Variants in RING1 observed in about 807,000 individuals in gnomAD.
The protein encoded by RING1 is E3 ubiquitin-protein ligase RING1.
RING1 carries 8 observed loss-of-function variants against 35.0 expected under a neutral mutation model. The observed-to-expected ratio is 0.23, with a 90% CI of 0.13 to 0.41. RING1 has a LOEUF of 0.41. Among genes scored for constraint, RING1 ranks in the 10% least tolerant of loss-of-function variants. The pLI is 1.00. For missense variants in RING1, 343 were observed against 546.8 expected, an observed-to-expected ratio of 0.63 and a Z score of 3.72; for synonymous variants, 214 against 224.3, an observed-to-expected ratio of 0.95 and a Z score of 0.41.
rs1417927652 is a variant in RING1, at chr6:33,211,854, C to A, written c.971C>A (p.Ser324Tyr). 1.9e-6 allele frequency: 3 copies of A among 1,604,234 alleles called. No homozygotes were observed. In the East Asian group the frequency reaches 6.8e-5, roughly 36 times the overall value. The change falls in exon 6 of 7, where the codon TCT becomes TAT. Residue 324 changes from serine to tyrosine, a missense_variant. By Grantham distance (144) the Ser-to-Tyr change is moderately radical. Coordinates refer to ENST00000374656, the MANE Select transcript of RING1 (RefSeq NM_002931.4). This position sits in a 1 kb window ranked among gnomAD's most constrained non-coding sequence, Gnocchi z 6.3. The part of the protein sequence containing the change: ...GEPGGPGGGA[S>Y]DTGGPDGCGG... ...CCAGGAGGGCCTGGAGGGGGCGCCT[C>A]TGACACCGGAGGACCTGATGGGTGT...
Position 33,209,736 on chromosome 6 carries a change from G to A in RING1, c.189G>A (p.Glu63=). ...DMLKNTMTTK[E]CLHRFCSDCI... Reference sequence around the variant, plus strand: ...TGAAGAATACGATGACCACCAAGGAGTGCCTCCACAGATTCTGCTCTGACT... The same window carrying A: ...TGAAGAATACGATGACCACCAAGGAATGCCTCCACAGATTCTGCTCTGACT... Residue 63 remains glutamate, a synonymous_variant, in exon 3 of 7, where the codon GAG becomes GAA. Transcript: ENST00000374656. The surrounding 1 kb of genome is among the most constrained non-coding windows in gnomAD (Gnocchi z 5.1). 1 of 1,613,594 alleles carries A rather than the reference G, an allele frequency of 6.2e-7. No homozygotes were observed.
chr6:33,210,693 C>T (rs756716991), intron 4 of RING1, among the ~76,000 whole-genome samples: 41 of 152,202 alleles, frequency 2.7e-4, no homozygotes, highest in Non-Finnish European at 5.3e-4. Context: ...TGAGAATAAG[C>T]CCCGGATTCA....
Position 33,211,629 on chromosome 6 carries a change from CA to C in RING1, c.845+86del. ...ATCAGAAGTGGGCTTTGCCCAAACC[CA>C]AAATACCACCCCAACCCAGAATCCA... On this transcript the variant is annotated intron_variant, in intron 5 of 6. Transcript: ENST00000374656. This position sits in a 1 kb window ranked among gnomAD's most constrained non-coding sequence, Gnocchi z 6.3. The C allele has an allele frequency of 6.4e-7, 1 of 1,559,738 alleles. No individual in the cohort carries two copies.
chr6:33,212,117 A>C, intron 6 of RING1, 115 bp downstream of exon 6: 5 of 873,422 alleles, frequency 5.7e-6, no homozygotes, highest in South Asian at 1.7e-5. Context: ...TACATCCTCT[A>C]TCTCTTTCTA....
In RING1 at chr6:33,211,410, A is replaced by C; in HGVS notation, c.708A>C (p.Gly236=). Residue 236 remains glycine (G), a synonymous_variant, in exon 5 of 7, where the codon GGA becomes GGC. Transcript: ENST00000374656. This position sits in a 1 kb window ranked among gnomAD's most constrained non-coding sequence, Gnocchi z 6.3. ...GAGSEDSGDR[G]GTLGGGTLGP... The stretch of plus-strand genomic sequence containing the variant: ...GTTCGGAAGACTCTGGTGACCGGGG[A>C]GGGACTCTGGGAGGGGGAACGCTGG... The C allele has an allele frequency of 6.6e-7, 1 of 1,513,052 alleles. No homozygotes were observed. 93.7% of individuals were successfully genotyped at this position (1,513,052 alleles called of 1,614,324 possible). A position where few individuals can be genotyped will look rare whatever the true frequency, so the allele number is the denominator to read the frequency against.
chr6:33,211,283 C>G lies in RING1; in HGVS notation c.581C>G (p.Ser194Cys). ...EDVSSDSAPD[S>C]APGPAPKRPR... ...GTGAGCTCAGACTCCGCCCCTGACT[C>G]TGCCCCAGGCCCTGCTCCCAAGCGA... The change falls in exon 5 of 7, where the codon TCT (serine) becomes TGT (cysteine). Residue 194 changes from serine (S) to cysteine (C), a missense_variant. Physicochemically the swap from Ser to Cys is moderately radical, Grantham distance 112. Around this residue, in one of 2 missense-constraint regions of RING1, gnomAD observed 278 missense variants for 383.5 expected, o/e 0.72. Coordinates refer to ENST00000374656, the MANE Select transcript of RING1 (RefSeq NM_002931.4). The surrounding 1 kb of genome is among the most constrained non-coding windows in gnomAD (Gnocchi z 6.3). 3 of 1,612,594 alleles carry G rather than the reference C, an allele frequency of 1.9e-6. No homozygotes were observed. The highest frequency in any genetic ancestry group is 2.5e-6 in the Non-Finnish European group (3 of 1,179,852).
rs1377969911 is a variant in RING1 at position 33,212,413 on chromosome 6, C to T, written c.*14C>T. The T allele has an allele frequency of 1.9e-6, 3 of 1,543,134 alleles. No homozygotes were observed. The highest frequency in any genetic ancestry group is 1.8e-6 in the Non-Finnish European group (2 of 1,132,206). ...GATCCAAAGTGACCCCACCAGGGGA[C>T]AGCCAGAGGAAGGGGACCATGGGGT... On this transcript the variant is annotated 3_prime_UTR_variant, in exon 7 of 7. Transcript: ENST00000374656.
chr6:33,212,120 T>C (rs1036219631), intron 6 of RING1, 118 bp downstream of exon 6: 50 of 888,362 alleles, frequency 5.6e-5, no homozygotes, highest in African/African-American at 1.0e-4. Context: ...ATCCTCTATC[T>C]CTTTCTATGT....
chr6:33,212,354 C>T lies in RING1; in HGVS notation c.1176C>T (p.Ser392=). Residue 392 remains serine, a synonymous_variant, in exon 7 of 7, where the codon TCC becomes TCT. Transcript: ENST00000374656. ...TGAATGAGAAATTCTGGAAGGTGTC[C>T]CGGCCACTGGAGCTGTGCTATGCTC... The part of the protein sequence containing the change: ...ELVNEKFWKV[S]RPLELCYAPT... 1 of 1,596,942 alleles carries T rather than the reference C, an allele frequency of 6.3e-7. No individual in the cohort carries two copies. Among genetic ancestry groups the T allele is most frequent in the South Asian group, 1.1e-5 (1 of 88,112 alleles).
Position 33,212,417 on chromosome 6 carries a change from C to G in RING1, c.*18C>G, listed in dbSNP as rs1387125710. On this transcript the variant is annotated 3_prime_UTR_variant, in exon 7 of 7. Transcript: ENST00000374656. Reference sequence around the variant, plus strand: ...CAAAGTGACCCCACCAGGGGACAGCCAGAGGAAGGGGACCATGGGGTATCC... The same window carrying G: ...CAAAGTGACCCCACCAGGGGACAGCGAGAGGAAGGGGACCATGGGGTATCC... The G allele has an allele frequency of 2.6e-6, 4 of 1,516,278 alleles. No individual in the cohort carries two copies. Among genetic ancestry groups the G allele is most frequent in the Non-Finnish European group, 2.7e-6 (3 of 1,108,864 alleles). 93.9% of individuals were successfully genotyped at this position (1,516,278 alleles called of 1,614,324 possible).
intron 6 of RING1, 100 bp from the exon 7 acceptor site, chr6:33,212,195 TTCC>T: frequency 1.1e-6 from 1 of 944,842 alleles, no homozygotes; most frequent in Non-Finnish European, 1.6e-6. Flanking sequence ...CCTTTTTTCT[TTCC>T]TCCTCCCTTG....
In RING1 at chr6:33,211,501, C is replaced by T. The variant is rs1438700501; in HGVS notation, c.799C>T (p.Arg267Trp). 6.2e-6 allele frequency: 10 copies of T among 1,612,188 alleles called. No homozygotes were observed. The highest frequency in any genetic ancestry group is 7.6e-6 in the Non-Finnish European group (9 of 1,179,876). Reference protein sequence around the residue: ...EPGGEIELVFRPHPLLVEKGE... With the variant: ...EPGGEIELVFWPHPLLVEKGE... ...AGGTGGAGAAATTGAGCTCGTGTTC[C>T]GGCCCCACCCCCTGCTCGTGGAGAA... Residue 267 changes from arginine (R) to tryptophan (W), a missense_variant, in exon 5 of 7, where the codon CGG becomes TGG. Arg to Trp is a moderately radical substitution (Grantham distance 101). Coordinates refer to ENST00000374656, the MANE Select transcript of RING1 (RefSeq NM_002931.4). This position sits in a 1 kb window ranked among gnomAD's most constrained non-coding sequence, Gnocchi z 6.3.
rs1775308617 is a variant in RING1, at chr6:33,208,671, GGGAGCGGGGGC to G, written c.-59+32_-59+42del. On this transcript the variant is annotated intron_variant, in intron 1 of 6. Transcript: ENST00000374656. This position sits in a 1 kb window ranked among gnomAD's most constrained non-coding sequence, Gnocchi z 6.2. ...TGAGGGGCAGTGCCGGCGCGGGGGC[GGGAGCGGGGGC>G]GGAGAGGGGCGCTTCTGGAGGGGCG... is the stretch of plus-strand genomic sequence containing the variant. 6 of 621,868 alleles carry G rather than the reference GGGAGCGGGGGC, an allele frequency of 9.6e-6. No homozygotes were observed. The highest frequency in any genetic ancestry group is 1.9e-5 in the African/African-American group (1 of 51,694). 38.5% of individuals were successfully genotyped at this position (621,868 alleles called of 1,614,324 possible). A position where few individuals can be genotyped will look rare whatever the true frequency, so the allele number is the denominator to read the frequency against.
At position 33,212,280 on chromosome 6, in the gene RING1, C is replaced by G; in HGVS notation, c.1120-18C>G. 1 of 1,527,724 alleles carries G rather than the reference C, an allele frequency of 6.5e-7. No homozygotes were observed. Among genetic ancestry groups the G allele is most frequent in the Non-Finnish European group, 8.9e-7 (1 of 1,121,904 alleles). The allele number at this position is 1,527,724 out of a possible 1,614,324, so 94.6% of individuals were successfully genotyped here. ...TTCCTCTCTCTTTTCCCCTCTCTCC[C>G]TTTTACCCCCTCCTCAGACGTTGAA... On this transcript the variant is annotated intron_variant, in intron 6 of 6. Transcript: ENST00000374656.
chr6:33,211,236 G>A lies in RING1; in HGVS notation c.534G>A (p.Glu178=). ...GTGGGGGGGAAGGAGAGCCCGGGGA[G>A]GGAGAAGGGGATGGAGAAGATGTGA... ...TMSGGEGEPG[E]GEGDGEDVSS... is the part of the protein sequence containing the mutation. Residue 178 remains glutamate (E), a synonymous_variant, in exon 5 of 7, where the codon GAG becomes GAA. Coordinates refer to ENST00000374656, the MANE Select transcript of RING1 (RefSeq NM_002931.4). The surrounding 1 kb of genome is among the most constrained non-coding windows in gnomAD (Gnocchi z 6.3). 6.2e-7 allele frequency: 1 copy of A among 1,612,982 alleles called. No homozygotes were observed. Among genetic ancestry groups the A allele is most frequent in the African/African-American group, 1.3e-5 (1 of 75,012 alleles).
At position 33,212,425 on chromosome 6, in the gene RING1, G is replaced by A; in HGVS notation, c.*26G>A. 7.0e-6 allele frequency: 10 copies of A among 1,428,696 alleles called. No homozygotes were observed. The highest frequency in any genetic ancestry group is 9.7e-6 in the Non-Finnish European group (10 of 1,031,948). 88.5% of individuals were successfully genotyped at this position (1,428,696 alleles called of 1,614,324 possible). On this transcript the variant is annotated 3_prime_UTR_variant, in exon 7 of 7. Transcript: ENST00000374656. ...CCCCACCAGGGGACAGCCAGAGGAA[G>A]GGGACCATGGGGTATCCCTGTGTCC...
At position 33,209,779 on chromosome 6, in the gene RING1, C is replaced by T. The variant is rs376511612; in HGVS notation, c.232C>T (p.Arg78Trp). 3 of 1,613,820 alleles carry T rather than the reference C, an allele frequency of 1.9e-6. No individual in the cohort carries two copies. Among genetic ancestry groups the T allele is most frequent in the African/African-American group, 2.7e-5 (2 of 75,038 alleles). Residue 78 changes from arginine to tryptophan, a missense_variant, in exon 3 of 7, where the codon CGG (arginine) becomes TGG (tryptophan). Physicochemically the swap from Arg to Trp is moderately radical, Grantham distance 101. Coordinates refer to ENST00000374656, the MANE Select transcript of RING1 (RefSeq NM_002931.4). The surrounding 1 kb of genome is among the most constrained non-coding windows in gnomAD (Gnocchi z 5.1). ...FCSDCIVTALRSGNKECPTCR... is the reference protein window; with the variant it reads ...FCSDCIVTALWSGNKECPTCR... ...CTCTGACTGCATTGTCACAGCCCTA[C>T]GGAGCGGGTAATAGGAGAGACATGT...
rs774992909 is a variant in RING1, at chr6:33,209,930, T to G, written c.255T>G (p.Pro85=). 39 of 1,614,094 alleles carry G rather than the reference T, an allele frequency of 2.4e-5. No individual in the cohort carries two copies. The highest frequency in any genetic ancestry group is 3.2e-5 in the Non-Finnish European group (38 of 1,180,048). Residue 85 remains proline, a synonymous_variant, in exon 4 of 7, where the codon CCT becomes CCG. Transcript: ENST00000374656. The surrounding 1 kb of genome is among the most constrained non-coding windows in gnomAD (Gnocchi z 5.1). ...TALRSGNKEC[P]TCRKKLVSKR... ...CCTACCCCAGGAACAAGGAGTGTCC[T>G]ACCTGCCGAAAGAAGCTGGTGTCCA...
intron 4 of RING1, among the ~76,000 whole-genome samples, chr6:33,210,755 G>A (rs1438410594): frequency 2.0e-5 from 3 of 152,220 alleles, no homozygotes; most frequent in Non-Finnish European, 2.9e-5. Flanking sequence ...AGTCTTTCAT[G>A]TGTATCCAGA....
Sources: allele counts gnomAD v4.1 joint callset (sites outside exome capture counted in the v4.1 genomes callset), GRCh38; gene constraint gnomAD v4.1.1; regional missense constraint gnomAD v4.1.1; non-coding constraint Gnocchi (gnomAD v3.1); transcripts MANE v1.5; gene names NCBI Gene and HGNC (gene_info 2026-07-23, HGNC 2026-07-21).